The following TAF1C variants were observed in gnomAD, a reference collection of about 807,000 sequenced individuals.
TAF1C encodes the protein TATA box-binding protein-associated factor RNA polymerase I subunit C.
TAF1C carries 79 observed loss-of-function variants against 70.5 expected under a neutral mutation model. The observed-to-expected ratio is 1.12, with a 90% CI of 0.93 to 1.35. The LOEUF is 1.35. TAF1C is among the 40% of genes most tolerant of loss of function. The probability of loss-of-function intolerance (pLI) is 0.00; values close to 1 mark genes in which losing one functional copy is unlikely to be tolerated. For missense variants in TAF1C, 1,412 were observed against 1,127.8 expected (o/e 1.25, Z -3.61); for synonymous variants, 614 against 491.1 (o/e 1.25, Z -3.31).
At chr16:84,180,651 T>A (rs2089113802) in intron 12 of TAF1C, 4 of 678,314 alleles carry the variant, frequency 5.9e-6, no homozygotes, top group Non-Finnish European at 6.7e-6. Flanking sequence ...CCCACTCTCC[T>A]GACCCGGGAG....
In TAF1C at chr16:84,183,349, G is replaced by A. The variant is rs1417616344; in HGVS notation, c.319-16C>T. On this transcript the variant is annotated splice_polypyrimidine_tract_variant and intron_variant, in intron 4 of 14. Coordinates refer to ENST00000566732, the MANE Select transcript of TAF1C (RefSeq NM_001243156.2). Reference sequence around the variant, plus strand: ...ACCGGCTGATCTGGGGAGAAGAGGAGGCCAGGTCACTAAGCACAGTCTCCA... The same window carrying A: ...ACCGGCTGATCTGGGGAGAAGAGGAAGCCAGGTCACTAAGCACAGTCTCCA... 1.9e-6 allele frequency: 3 copies of A among 1,613,830 alleles called. No homozygotes were observed. Among genetic ancestry groups the A allele is most frequent in the African/African-American group, 1.3e-5 (1 of 74,914 alleles).
In TAF1C at chr16:84,182,294, G is replaced by C. The variant is rs755870426; in HGVS notation, c.629C>G (p.Ala210Gly). 1 of 1,612,938 alleles carries C rather than the reference G, an allele frequency of 6.2e-7. No homozygotes were observed. The highest frequency in any genetic ancestry group is 2.2e-5 in the East Asian group (1 of 44,876). Residue 210 changes from alanine (A) to glycine (G), a missense_variant, in exon 7 of 15, where the codon GCC (alanine) becomes GGC (glycine). Transcript: ENST00000566732. The surrounding 1 kb of genome is among the most constrained non-coding windows in gnomAD (Gnocchi z 5.0). ...CCAGGCCAGCGCGCCCCCAGTGCAG[G>C]CCTCATCCAGAAGCAGCTGCTCCCA... ...LRWEQLLLDEACTGGALAWVP... is the reference protein window; with the variant it reads ...LRWEQLLLDEGCTGGALAWVP...
Position 84,186,550 on chromosome 16 carries a change from C to T in TAF1C, c.-73+351G>A, listed in dbSNP as rs1052838977. Among the ~76,000 whole-genome samples the T allele has an allele frequency of 3.3e-5, 5 of 152,170 alleles. No homozygotes were observed. In the South Asian group the frequency reaches 1.0e-3, roughly 32 times the overall value. The stretch of plus-strand genomic sequence containing the variant: ...CCTGGGTGACAGAGCAAGGTTCTAT[C>T]TCAAAAATAAAATAGAAACAAAAAT... On this transcript the variant is annotated intron_variant, in intron 1 of 14. Coordinates refer to ENST00000566732, the MANE Select transcript of TAF1C (RefSeq NM_001243156.2).
intron 2 of TAF1C, 80 bp downstream of exon 2, chr16:84,184,771 C>T (rs1567600066): frequency 3.3e-6 from 5 of 1,494,236 alleles, no homozygotes; most frequent in Non-Finnish European, 3.6e-6. Context: ...GTGGCCTTGT[C>T]AACTGATGTG....
In TAF1C at chr16:84,180,234, G is replaced by T; in HGVS notation, c.1419C>A (p.Pro473=). 1 of 1,539,004 alleles carries T rather than the reference G, an allele frequency of 6.5e-7. No individual in the cohort carries two copies. The change falls in exon 13 of 15, where the codon CCC becomes CCA. Residue 473 remains proline (P), a synonymous_variant. Transcript: ENST00000566732. Reference sequence around the variant, plus strand: ...CGAGGAGCAGGGGCTGCACGCAGCTGGGCCGGGGCGGAGGCAGCAGTCGGG... The same window carrying T: ...CGAGGAGCAGGGGCTGCACGCAGCTTGGCCGGGGCGGAGGCAGCAGTCGGG... ...LLARLLPPPR[P]SCVQPLLLGG...
Position 84,184,750 on chromosome 16 carries a change from G to A in TAF1C, c.138+101C>T, listed in dbSNP as rs147812995. On this transcript the variant is annotated intron_variant, in intron 2 of 14. Transcript: ENST00000566732. ...TGTGTCTCAGCAGACTCGTGTGAATGCCACCACTCTGTGGCCTTGTCAACT... is the reference window on the plus strand; with the variant it reads ...TGTGTCTCAGCAGACTCGTGTGAATACCACCACTCTGTGGCCTTGTCAACT... 124 of 1,413,436 alleles carry A rather than the reference G, an allele frequency of 8.8e-5. No homozygotes were observed. In the East Asian group the frequency reaches 2.9e-3, roughly 33 times the overall value. 87.6% of individuals were successfully genotyped at this position (1,413,436 alleles called of 1,614,324 possible). A position where few individuals can be genotyped will look rare whatever the true frequency, so the allele number is the denominator to read the frequency against.
chr16:84,178,999 T>C lies in TAF1C; in HGVS notation c.2474A>G (p.His825Arg), dbSNP rs780677010. 9.3e-6 allele frequency: 15 copies of C among 1,610,814 alleles called. No homozygotes were observed. Among genetic ancestry groups the C allele is most frequent in the East Asian group, 2.2e-5 (1 of 44,872 alleles). Residue 825 changes from histidine to arginine, a missense_variant, in exon 15 of 15, where the codon CAC becomes CGC. Coordinates refer to ENST00000566732, the MANE Select transcript of TAF1C (RefSeq NM_001243156.2). ...CTGAGAGCTAGAGAGGACGGGTGTGTGCTGCTGGGAGCGAGTGGCCCGGAC... is the reference window on the plus strand; with the variant it reads ...CTGAGAGCTAGAGAGGACGGGTGTGCGCTGCTGGGAGCGAGTGGCCCGGAC... The part of the protein sequence containing the change: ...SSVRATRSQQ[H>R]TPVLSSSQPL...
At position 84,177,947 on chromosome 16, in the gene TAF1C, C is replaced by T. The variant is rs1050606496; in HGVS notation, c.*994G>A. ...GAGTCAGTGTATGATTGGGCTAGCTCCTGTTTGTGTGAGTCACATGCAATT... is the reference window on the plus strand; with the variant it reads ...GAGTCAGTGTATGATTGGGCTAGCTTCTGTTTGTGTGAGTCACATGCAATT... On this transcript the variant is annotated 3_prime_UTR_variant, in exon 15 of 15. Transcript: ENST00000566732. 2 of 956,724 alleles carry T rather than the reference C, an allele frequency of 2.1e-6. No homozygotes were observed. The highest frequency in any genetic ancestry group is 2.6e-5 in the East Asian group (1 of 38,936). The allele number at this position is 956,724 out of a possible 1,614,324, so 59.3% of individuals were successfully genotyped here. A position where few individuals can be genotyped will look rare whatever the true frequency, so the allele number is the denominator to read the frequency against.
Position 84,179,406 on chromosome 16 carries a change from G to A in TAF1C, c.2067C>T (p.Asp689=). Residue 689 remains aspartate (D), a synonymous_variant, in exon 15 of 15, where the codon GAC becomes GAT. Transcript: ENST00000566732. ...PPPAPESGLE[D]KLSERLGEAW... Reference sequence around the variant, plus strand: ...CTTCCCCCAGGCGCTCACTGAGCTTGTCCTCTAGGCCTGACTCGGGTGCAG... The same window carrying A: ...CTTCCCCCAGGCGCTCACTGAGCTTATCCTCTAGGCCTGACTCGGGTGCAG... 1 of 1,598,276 alleles carries A rather than the reference G, an allele frequency of 6.3e-7. No homozygotes were observed. The highest frequency in any genetic ancestry group is 8.5e-7 in the Non-Finnish European group (1 of 1,178,072).
In TAF1C at chr16:84,177,936, T is replaced by C. The variant is rs1054528062; in HGVS notation, c.*1005A>G. 9.7e-7 allele frequency: 1 copy of C among 1,028,586 alleles called. No homozygotes were observed. Among genetic ancestry groups the C allele is most frequent in the Non-Finnish European group, 1.5e-6 (1 of 665,340 alleles). The allele number at this position is 1,028,586 out of a possible 1,614,324, so 63.7% of individuals were successfully genotyped here. ...AACACCCACGCGAGTCAGTGTATGA[T>C]TGGGCTAGCTCCTGTTTGTGTGAGT... is the stretch of plus-strand genomic sequence containing the variant. On this transcript the variant is annotated 3_prime_UTR_variant, in exon 15 of 15. Coordinates refer to ENST00000566732, the MANE Select transcript of TAF1C (RefSeq NM_001243156.2).
At position 84,180,345 on chromosome 16, in the gene TAF1C, C is replaced by A. The variant is rs757694454; in HGVS notation, c.1309-1G>T. 3 of 1,539,354 alleles carry A rather than the reference C, an allele frequency of 1.9e-6. No homozygotes were observed. The highest frequency in any genetic ancestry group is 2.4e-5 in the South Asian group (2 of 83,576). On this transcript the variant is annotated splice_acceptor_variant, in intron 12 of 14. Transcript: ENST00000566732. LOFTEE classifies it high-confidence loss of function. ...GCTCGTCCACTAGGTAGAGAGAGAACTGGGGCCCGAGAAGGAAGGGGGATG... is the reference window on the plus strand; with the variant it reads ...GCTCGTCCACTAGGTAGAGAGAGAAATGGGGCCCGAGAAGGAAGGGGGATG...
chr16:84,181,367 G>C lies in TAF1C; in HGVS notation c.1125C>G (p.Thr375=), dbSNP rs372633491. 3.1e-6 allele frequency: 5 copies of C among 1,613,734 alleles called. No homozygotes were observed. The highest frequency in any genetic ancestry group is 4.5e-5 in the East Asian group (2 of 44,858). Residue 375 remains threonine, a synonymous_variant, in exon 11 of 15, where the codon ACC becomes ACG. Coordinates refer to ENST00000566732, the MANE Select transcript of TAF1C (RefSeq NM_001243156.2). ...TCTTCACTCCGGTGCGGTCACCCACGGTCAGCACCCGAGGGTGCGCAGTGA... is the reference window on the plus strand; with the variant it reads ...TCTTCACTCCGGTGCGGTCACCCACCGTCAGCACCCGAGGGTGCGCAGTGA... ...ADFTAHPRVL[T]VGDRTGVKML...
Position 84,178,639 on chromosome 16 carries a change from G to A in TAF1C, c.*302C>T. On this transcript the variant is annotated 3_prime_UTR_variant, in exon 15 of 15. Transcript: ENST00000566732. The stretch of plus-strand genomic sequence containing the variant: ...GGACCTGCCTGAGGCCCCCACAGCT[G>A]AGGCGCAGCGGAGCCCTGCCTCCCA... 4.3e-6 allele frequency: 2 copies of A among 463,954 alleles called. No individual in the cohort carries two copies. Among genetic ancestry groups the A allele is most frequent in the Non-Finnish European group, 8.0e-6 (2 of 250,710 alleles). 28.7% of individuals were successfully genotyped at this position (463,954 alleles called of 1,614,324 possible). A position where few individuals can be genotyped will look rare whatever the true frequency, so the allele number is the denominator to read the frequency against.
Position 84,178,010 on chromosome 16 carries a change from A to G in TAF1C, c.*931T>C. 1.5e-6 allele frequency: 1 copy of G among 660,996 alleles called. No individual in the cohort carries two copies. 40.9% of individuals were successfully genotyped at this position (660,996 alleles called of 1,614,324 possible). On this transcript the variant is annotated 3_prime_UTR_variant, in exon 15 of 15. Transcript: ENST00000566732. ...CAACCTGAAAAAAGACCTTTCTCTT[A>G]CTATGTCATCAGAAACCAGACAGAC... is the stretch of plus-strand genomic sequence containing the variant.
Position 84,181,964 on chromosome 16 carries a change from CACCACTTG to C in TAF1C, c.808_815del (p.Gln270AspfsTer15). On this transcript the variant is annotated frameshift_variant, in exon 8 of 15. Coordinates refer to ENST00000566732, the MANE Select transcript of TAF1C (RefSeq NM_001243156.2). LOFTEE classifies it high-confidence loss of function. ...TACTTTCTCCCTGGACGGTGCATGT[CACCACTTG>C]CCGGACAGGTCCCTGGAGCTGGATG... 6.2e-7 allele frequency: 1 copy of C among 1,613,908 alleles called. No homozygotes were observed. Among genetic ancestry groups the C allele is most frequent in the Non-Finnish European group, 8.5e-7 (1 of 1,180,022 alleles).
intron 8 of TAF1C, 23 bp downstream of exon 8, chr16:84,181,919 G>T (rs1319478409): frequency 6.2e-7 from 1 of 1,614,002 alleles, no homozygotes; most frequent in South Asian, 1.1e-5. Context: ...AGTGAGGGAG[G>T]AAAGTGTATA....
At chr16:84,181,493 G>A (rs2089189183) in intron 10 of TAF1C, 30 bp from the exon 11 acceptor site, 1 of 1,613,612 alleles carries the variant, frequency 6.2e-7, no homozygotes, top group Non-Finnish European at 8.5e-7. Flanking sequence ...CGTGGGCAGG[G>A]GGACAGGCTG....
At position 84,182,109 on chromosome 16, in the gene TAF1C, C is replaced by G; in HGVS notation, c.722-51G>C. ...CACGAGCTATGATCACTGCAAGCCC[C>G]CCAAATTCCTGCCCTTCTCTGGACC... is the stretch of plus-strand genomic sequence containing the variant. On this transcript the variant is annotated intron_variant, in intron 7 of 14. Transcript: ENST00000566732. This position sits in a 1 kb window ranked among gnomAD's most constrained non-coding sequence, Gnocchi z 5.0. 6.3e-7 allele frequency: 1 copy of G among 1,595,630 alleles called. No individual in the cohort carries two copies. Among genetic ancestry groups the G allele is most frequent in the Non-Finnish European group, 8.6e-7 (1 of 1,169,518 alleles).
Position 84,179,556 on chromosome 16 carries a change from G to T in TAF1C, c.1917C>A (p.Gly639=). The change falls in exon 15 of 15, where the codon GGC becomes GGA. Residue 639 remains glycine (G), a synonymous_variant. Transcript: ENST00000566732. ...APTFTHRQML[G]STELRREEEE... ...CTTCCTCCCTCCGCAGCTCTGTGCT[G>T]CCCAGCATCTGGCGGTGGGTGAAGG... 6.2e-7 allele frequency: 1 copy of T among 1,612,428 alleles called. No homozygotes were observed. The highest frequency in any genetic ancestry group is 1.1e-5 in the South Asian group (1 of 91,080).
Sources: gnomAD v4.1 joint callset for allele counts (sites outside exome capture counted in the v4.1 genomes callset) on GRCh38, gnomAD v4.1.1 for gene constraint, Gnocchi (gnomAD v3.1) non-coding constraint, MANE v1.5 for transcripts, NCBI Gene and HGNC (gene_info 2026-07-23, HGNC 2026-07-21) for gene names.